Variants in FANCD2 observed in about 807,000 individuals in gnomAD.
The protein encoded by FANCD2 is FA complementation group D2.
A neutral mutation model predicts 192.3 loss-of-function variants in FANCD2; 131 were observed. The ratio of observed to expected loss-of-function variants is 0.68; its 90% CI spans 0.59 to 0.79. The LOEUF (loss-of-function observed/expected upper bound fraction) is 0.79, where lower values mean the gene tolerates loss of function less well. Among genes scored for constraint, FANCD2 ranks in the 30% least tolerant of loss-of-function variants. The pLI is 0.00. For synonymous variants in FANCD2, 524 were observed against 612.5 expected, an observed-to-expected ratio of 0.86 and a Z score of 2.13; for missense variants, 1,508 against 1,701.6, an observed-to-expected ratio of 0.89 and a Z score of 2.00.
chr3:10,037,257 GCAAT>G (rs764245894), intron 7 of FANCD2, among the ~76,000 whole-genome samples: 8 of 152,118 alleles, frequency 5.3e-5, no homozygotes, highest in Non-Finnish European at 7.4e-5. Context: ...AATTTTGTTA[GCAAT>G]CAAAGGCACA....
intron 15 of FANCD2, among the ~76,000 whole-genome samples, chr3:10,047,427 A>G (rs1490700264): frequency 6.6e-6 from 1 of 152,302 alleles, no homozygotes; most frequent in Admixed American, 6.5e-5. Context: ...TATGTTTATT[A>G]ACTGGTTATT....
At chr3:10,040,560 C>T in intron 9 of FANCD2, 1 of 456,684 alleles carries the variant, frequency 2.2e-6, no homozygotes, top group Non-Finnish European at 4.4e-6. Context: ...ATGCACAGTC[C>T]TGCATCAGAC....
chr3:10,031,314 T>G (rs539551907), intron 2 of FANCD2, among the ~76,000 whole-genome samples: 2 of 151,980 alleles, frequency 1.3e-5, no homozygotes, highest in Admixed American at 6.6e-5. Flanking sequence ...CCATCTTGGC[T>G]AACATGGTGA....
Position 10,049,411 on chromosome 3 carries a change from G to T in FANCD2, c.1451G>T (p.Gly484Val). Reference sequence around the variant, plus strand: ...GCCTTAGTGACCCATATCTGCAGTGGGAATGAAGCTGAAGTTGATACTGCC... The same window carrying T: ...GCCTTAGTGACCCATATCTGCAGTGTGAATGAAGCTGAAGTTGATACTGCC... ...VGALVTHICS[G>V]NEAEVDTALD... Residue 484 changes from glycine (G) to valine (V), a missense_variant, in exon 17 of 44, where the codon GGG becomes GTG. Transcript: ENST00000675286. The T allele has an allele frequency of 6.2e-7, 1 of 1,612,190 alleles. No individual in the cohort carries two copies.
chr3:10,042,820 A>G (rs376274187), intron 11 of FANCD2, among the ~76,000 whole-genome samples, 157 bp downstream of exon 11: 2 of 152,236 alleles, frequency 1.3e-5, no homozygotes, highest in Non-Finnish European at 2.9e-5. Context: ...ATAAGCTGCT[A>G]TAAGTTACAT....
At chr3:10,081,078 C>T (rs1200557956) in intron 30 of FANCD2, 22 bp from the exon 31 acceptor site, 8 of 1,613,874 alleles carry the variant, frequency 5.0e-6, no homozygotes, top group Non-Finnish European at 6.8e-6. Flanking sequence ...TTTCTTCACT[C>T]ATAACTCTGC....
chr3:10,101,087 C>A, intron 43 of FANCD2, 101 bp from the exon 44 acceptor site: 17 of 853,612 alleles, frequency 2.0e-5, no homozygotes, highest in Non-Finnish European at 2.8e-5. Context: ...AAAGTTTTAA[C>A]AGTGATAATA....
chr3:10,088,006 G>A (rs774504069), intron 34 of FANCD2, among the ~76,000 whole-genome samples: 15 of 152,126 alleles, frequency 9.9e-5, no homozygotes, highest in Admixed American at 3.3e-4. Flanking sequence ...CATCCTAGTT[G>A]GCAGCACATC....
At chr3:10,096,888 T>A (rs1032604632) in intron 42 of FANCD2, among the ~76,000 whole-genome samples, 1 of 152,328 alleles carries the variant, frequency 6.6e-6, no homozygotes, top group Admixed American at 6.5e-5. Context: ...TAATCTCTTA[T>A]TGGGGGACCT....
intron 32 of FANCD2, among the ~76,000 whole-genome samples, chr3:10,082,526 C>G (rs1376111224): frequency 6.6e-6 from 1 of 152,194 alleles, no homozygotes; most frequent in Non-Finnish European, 1.5e-5. Context: ...CTTCTTCTGA[C>G]TCCTGCTATT....
intron 11 of FANCD2, among the ~76,000 whole-genome samples, 188 bp downstream of exon 11, chr3:10,042,851 C>T (rs568206242): frequency 1.3e-5 from 2 of 152,270 alleles, no homozygotes; most frequent in South Asian, 4.1e-4. Flanking sequence ...TGTGTAGTAC[C>T]TCACAGAATT....
At chr3:10,087,381 G>T in intron 34 of FANCD2, 117 bp downstream of exon 34, 5 of 941,072 alleles carry the variant, frequency 5.3e-6, no homozygotes, top group Admixed American at 2.6e-5. Context: ...ACATAACCTT[G>T]GATAGGCCCT....
chr3:10,042,293 C>T (rs1462069627), intron 10 of FANCD2, among the ~76,000 whole-genome samples: 3 of 152,194 alleles, frequency 2.0e-5, no homozygotes, highest in East Asian at 3.8e-4. Flanking sequence ...TTATGCCTTA[C>T]TGTAGCCAGT....
intron 30 of FANCD2, among the ~76,000 whole-genome samples, chr3:10,079,345 C>T (rs530258596): frequency 6.6e-6 from 1 of 152,122 alleles, no homozygotes; most frequent in Non-Finnish European, 1.5e-5. Context: ...CGCTGTGTCT[C>T]CCAGGCTGGA....
intron 18 of FANCD2, among the ~76,000 whole-genome samples, chr3:10,055,918 G>T (rs1330866325): frequency 6.6e-6 from 1 of 151,942 alleles, no homozygotes; most frequent in Non-Finnish European, 1.5e-5. Context: ...TCACTCTGTC[G>T]CCCAGGCTTG....
chr3:10,055,673 G>A (rs193212348), intron 18 of FANCD2, among the ~76,000 whole-genome samples: 5 of 152,034 alleles, frequency 3.3e-5, no homozygotes, highest in Admixed American at 1.3e-4. Flanking sequence ...TTAGCTGGAC[G>A]TGGTGGCAGG....
chr3:10,101,040 G>C lies in FANCD2; in HGVS notation c.4282-148G>C, dbSNP rs577363283. Reference sequence around the variant, plus strand: ...GCTGAGATCATGCCACTGCATTCCAGCCTGGTGACAGAGCAAGACTCCTTT... The same window carrying C: ...GCTGAGATCATGCCACTGCATTCCACCCTGGTGACAGAGCAAGACTCCTTT... On this transcript the variant is annotated intron_variant, in intron 43 of 43. Coordinates refer to ENST00000675286, the MANE Select transcript of FANCD2 (RefSeq NM_001018115.3). The C allele has an allele frequency of 1.0e-5, 6 of 596,338 alleles. No homozygotes were observed. In the East Asian group the frequency reaches 1.8e-4, roughly 18 times the overall value. 36.9% of individuals were successfully genotyped at this position (596,338 alleles called of 1,614,324 possible).
chr3:10,067,235 A>G lies in FANCD2; in HGVS notation c.2412A>G (p.Thr804=), dbSNP rs1365079626. ...REIVNAFCQE[T]SPEMKGKVLT... ...TTGTAAATGCCTTCTGCCAGGAAACATCACCTGAGATGAAGGGGAAGGTGC... is the reference window on the plus strand; with the variant it reads ...TTGTAAATGCCTTCTGCCAGGAAACGTCACCTGAGATGAAGGGGAAGGTGC... The change falls in exon 26 of 44, where the codon ACA becomes ACG. Residue 804 remains threonine, a synonymous_variant. Coordinates refer to ENST00000675286, the MANE Select transcript of FANCD2 (RefSeq NM_001018115.3). 2 of 1,613,286 alleles carry G rather than the reference A, an allele frequency of 1.2e-6. No individual in the cohort carries two copies. Among genetic ancestry groups the G allele is most frequent in the Middle Eastern group, 1.7e-4 (1 of 6,060 alleles).
At chr3:10,101,048 A>G (rs1695269515) in intron 43 of FANCD2, 140 bp from the exon 44 acceptor site, 1 of 615,592 alleles carries the variant, frequency 1.6e-6, no homozygotes, top group Non-Finnish European at 2.9e-6. Flanking sequence ...CAGCCTGGTG[A>G]CAGAGCAAGA....
Sources: gnomAD v4.1 joint callset for allele counts (sites outside exome capture counted in the v4.1 genomes callset) on GRCh38, gnomAD v4.1.1 for gene constraint, MANE v1.5 for transcripts, NCBI Gene and HGNC (gene_info 2026-07-23, HGNC 2026-07-21) for gene names.